The following IL1RAPL2 variants were observed in gnomAD, a reference collection of about 807,000 sequenced individuals.
IL1RAPL2 encodes X-linked interleukin-1 receptor accessory protein-like 2.
In IL1RAPL2, 3 loss-of-function variants were observed where a neutral mutation model predicts 44.1. The observed-to-expected ratio is 0.07, with a 90% CI of 0.03 to 0.18. The LOEUF (loss-of-function observed/expected upper bound fraction) is 0.18, where lower values mean the gene tolerates loss of function less well. IL1RAPL2 is among the 10% of genes least tolerant of loss of function. The pLI, the probability that IL1RAPL2 is intolerant of heterozygous loss-of-function variation, is 1.00. For synonymous variants in IL1RAPL2, 181 were observed against 178.8 expected (o/e 1.01, Z -0.10); for missense variants, 391 against 496.4 (o/e 0.79, Z 2.02).
chrX:104,830,823 T>C (rs913694634), intron 2 of IL1RAPL2, among the ~76,000 whole-genome samples: 9 of 112,350 alleles, frequency 8.0e-5, no homozygotes, highest in Non-Finnish European at 1.7e-4. Flanking sequence ...CCTGTTACAG[T>C]GTCACATGGC....
At chrX:104,695,424 A>G (rs1181352666) in intron 2 of IL1RAPL2, among the ~76,000 whole-genome samples, 2 of 111,217 alleles carry the variant, frequency 1.8e-5, no homozygotes, top group Non-Finnish European at 3.8e-5. Flanking sequence ...GAAGAGCTAG[A>G]ATCTTCTACC....
intron 2 of IL1RAPL2, among the ~76,000 whole-genome samples, chrX:104,684,304 A>G (rs10081915): frequency 0.026 from 2,917 of 111,731 alleles, 92 homozygotes; most frequent in African/African-American, 0.091. Flanking sequence ...CCTAATGGCT[A>G]GAGGTCATGC....
intron 1 of IL1RAPL2, among the ~76,000 whole-genome samples, chrX:104,621,327 G>T (rs1428237420): frequency 1.8e-5 from 2 of 108,125 alleles, no homozygotes; most frequent in African/African-American, 3.4e-5. Flanking sequence ...TTACATCTCA[G>T]CAGTAGGCAT....
intron 2 of IL1RAPL2, among the ~76,000 whole-genome samples, chrX:104,784,749 T>A (rs1034951372): frequency 1.9e-5 from 2 of 107,646 alleles, no homozygotes; most frequent in Non-Finnish European, 3.8e-5. Context: ...TGTGTCTTTT[T>A]ATATCTTCTT....
rs950270288 is a variant in IL1RAPL2, at chrX:105,492,683, A to G, written c.772+8296A>G. 4.5e-5 allele frequency among the ~76,000 whole-genome samples: 5 copies of G among 110,176 alleles called. No homozygotes were observed. The East Asian group carries it at 1.1e-3, about 25-fold the overall frequency. On this transcript the variant is annotated intron_variant, in intron 6 of 10. Transcript: ENST00000372582. ...CTTACAGGGTACTAGGCACTATATTAAATACTTTATATAGCTTATTTTATT... is the reference window on the plus strand; with the variant it reads ...CTTACAGGGTACTAGGCACTATATTGAATACTTTATATAGCTTATTTTATT...
At chrX:105,096,314 C>T (rs1871093746) in intron 2 of IL1RAPL2, among the ~76,000 whole-genome samples, 1 of 111,284 alleles carries the variant, frequency 9.0e-6, no homozygotes, top group Admixed American at 9.6e-5. Context: ...ATCATATGAC[C>T]CTGGCCCACC....
Position 104,840,045 on chromosome X carries a change from T to G in IL1RAPL2, c.82+181050T>G, listed in dbSNP as rs998680020. Among the ~76,000 whole-genome samples, 7 of 111,728 alleles carry G rather than the reference T, an allele frequency of 6.3e-5. No homozygotes were observed. The Admixed American group carries it at 6.7e-4, about 11-fold the overall frequency. ...GGATTCGTTGATTTTTTGGAATACTTTTTGTGTCTCTGTCCCCTTCACTTC... is the reference window on the plus strand; with the variant it reads ...GGATTCGTTGATTTTTTGGAATACTGTTTGTGTCTCTGTCCCCTTCACTTC... On this transcript the variant is annotated intron_variant, in intron 2 of 10. Coordinates refer to ENST00000372582, the MANE Select transcript of IL1RAPL2 (RefSeq NM_017416.2).
rs761866927 is a variant in IL1RAPL2 at position 104,717,160 on chromosome X, G to A, written c.82+58165G>A. 1.1e-4 allele frequency among the ~76,000 whole-genome samples: 12 copies of A among 111,786 alleles called. No individual in the cohort carries two copies. In the South Asian group the frequency reaches 4.4e-3, roughly 41 times the overall value. On this transcript the variant is annotated intron_variant, in intron 2 of 10. Coordinates refer to ENST00000372582, the MANE Select transcript of IL1RAPL2 (RefSeq NM_017416.2). ...AGGCCATTATCCTTAGCAAACTAATGCAAGAACAGAAAACCAAATATTGCA... is the reference window on the plus strand; with the variant it reads ...AGGCCATTATCCTTAGCAAACTAATACAAGAACAGAAAACCAAATATTGCA...
chrX:105,215,911 C>G (rs565765636), intron 3 of IL1RAPL2, among the ~76,000 whole-genome samples: 1 of 111,609 alleles, frequency 9.0e-6, no homozygotes, highest in South Asian at 3.8e-4. Flanking sequence ...AAATTCAACA[C>G]CCCTTTATGA....
chrX:104,940,729 T>G (rs756858967), intron 2 of IL1RAPL2, among the ~76,000 whole-genome samples: 6 of 110,664 alleles, frequency 5.4e-5, no homozygotes, highest in African/African-American at 2.0e-4. Flanking sequence ...ATTTTTTATT[T>G]TATTTTATTT....
chrX:104,786,279 C>T (rs1187023527), intron 2 of IL1RAPL2, among the ~76,000 whole-genome samples: 2 of 111,544 alleles, frequency 1.8e-5, no homozygotes, highest in African/African-American at 6.5e-5. Context: ...CTCAGAGGTA[C>T]CTCAGTAAGC....
chrX:105,117,930 T>C (rs1387035005), intron 2 of IL1RAPL2, among the ~76,000 whole-genome samples: 1 of 111,867 alleles, frequency 8.9e-6, no homozygotes, highest in East Asian at 2.8e-4. Context: ...ATTGTTGAGA[T>C]CATTAATATC....
intron 2 of IL1RAPL2, among the ~76,000 whole-genome samples, chrX:104,931,714 T>G (rs2147697355): frequency 8.9e-6 from 1 of 111,779 alleles, no homozygotes; most frequent in East Asian, 2.8e-4. Context: ...TTGAAAATGT[T>G]TAAATTATTG....
rs1275036036 is a variant in IL1RAPL2 at position 105,709,236 on chromosome X, G to A, written c.773-8131G>A. On this transcript the variant is annotated intron_variant, in intron 6 of 10. Transcript: ENST00000372582. ...GAACCTAGGGTTCAAGGCAAGGTAG[G>A]GTTTATAGGCAGGAAACCCACTATG... Among the ~76,000 whole-genome samples, 5 of 111,503 alleles carry A rather than the reference G, an allele frequency of 4.5e-5. No individual in the cohort carries two copies. The Admixed American group carries it at 4.8e-4, about 11-fold the overall frequency.
At chrX:104,868,707 A>C (rs948114196) in intron 2 of IL1RAPL2, among the ~76,000 whole-genome samples, 1 of 112,258 alleles carries the variant, frequency 8.9e-6, no homozygotes, top group African/African-American at 3.2e-5. Flanking sequence ...TTGCAAGGGG[A>C]AGGGATTATA....
chrX:104,773,951 T>C (rs1385590684), intron 2 of IL1RAPL2, among the ~76,000 whole-genome samples: 1 of 112,318 alleles, frequency 8.9e-6, no homozygotes, highest in Non-Finnish European at 1.9e-5. Context: ...ATGGGCTTTG[T>C]ATAACTACCC....
intron 2 of IL1RAPL2, among the ~76,000 whole-genome samples, chrX:104,751,332 A>G (rs1321020559): frequency 1.8e-5 from 2 of 111,816 alleles, no homozygotes; most frequent in Non-Finnish European, 3.8e-5. Context: ...CAGGGAGTTT[A>G]AAATCTAGTT....
intron 2 of IL1RAPL2, among the ~76,000 whole-genome samples, chrX:105,176,985 A>G (rs2033479934): frequency 9.0e-6 from 1 of 111,532 alleles, no homozygotes; most frequent in African/African-American, 3.3e-5. Flanking sequence ...ACTAGCTATC[A>G]GTGAGTCATG....
intron 5 of IL1RAPL2, among the ~76,000 whole-genome samples, chrX:105,308,448 C>T (rs981941579): frequency 8.9e-6 from 1 of 112,174 alleles, no homozygotes; most frequent in Non-Finnish European, 1.9e-5. Flanking sequence ...AACCCACACC[C>T]CTGTTAAAAT....
Sources: gnomAD v4.1 joint callset for allele counts (sites outside exome capture counted in the v4.1 genomes callset) on GRCh38, gnomAD v4.1.1 for gene constraint, MANE v1.5 for transcripts, NCBI Gene and HGNC (gene_info 2026-07-23, HGNC 2026-07-21) for gene names.